The following NPAS3 variants were observed in gnomAD, a reference collection of about 807,000 sequenced individuals.
The protein encoded by NPAS3 is neuronal PAS domain protein 3.
Under a neutral mutation model 73.1 loss-of-function variants are expected in NPAS3, and 14 were observed. The observed-to-expected ratio is 0.19, with a 90% confidence interval of 0.13 to 0.30. The LOEUF is 0.30. NPAS3 is among the 10% of genes least tolerant of loss of function. The pLI is 1.00. For missense variants in NPAS3, 1,096 were observed against 1,250.0 expected, an observed-to-expected ratio of 0.88 and a Z score of 1.86; for synonymous variants, 620 against 541.5, an observed-to-expected ratio of 1.14 and a Z score of -2.01.
At chr14:32,990,764 A>G (rs1304490456) in intron 1 of NPAS3, among the ~76,000 whole-genome samples, 1 of 152,002 alleles carries the variant, frequency 6.6e-6, no homozygotes, top group Non-Finnish European at 1.5e-5. Flanking sequence ...TGTGTCTACA[A>G]AAAAATTTAA....
At position 33,381,913 on chromosome 14, in the gene NPAS3, G is replaced by A. The variant is rs556550355; in HGVS notation, c.468+14645G>A. Among the ~76,000 whole-genome samples, 16 of 152,246 alleles carry A rather than the reference G, an allele frequency of 1.1e-4. No homozygotes were observed. The South Asian group carries it at 3.1e-3, about 30-fold the overall frequency. The stretch of plus-strand genomic sequence containing the variant: ...CCTGCTGAGACTTGCCATTTCCATA[G>A]CCGGTGGGCTGTATTGAATCAGACA... On this transcript the variant is annotated intron_variant, in intron 4 of 11. Coordinates refer to ENST00000356141, the Ensembl canonical transcript of NPAS3.
chr14:33,639,984 G>A (rs1203455063), intron 5 of NPAS3, among the ~76,000 whole-genome samples: 2 of 152,116 alleles, frequency 1.3e-5, no homozygotes, highest in East Asian at 1.9e-4. Flanking sequence ...TTGGGAGGCC[G>A]AAGTGGGTGG....
At chr14:33,316,456 C>A (rs1392299391) in intron 3 of NPAS3, among the ~76,000 whole-genome samples, 1 of 151,926 alleles carries the variant, frequency 6.6e-6, no homozygotes, top group East Asian at 1.9e-4. Flanking sequence ...AGACACAGGC[C>A]CTGCAGATTT....
At chr14:33,637,153 T>C (rs904089756) in intron 5 of NPAS3, among the ~76,000 whole-genome samples, 1 of 152,194 alleles carries the variant, frequency 6.6e-6, no homozygotes, top group Non-Finnish European at 1.5e-5. Context: ...GTACTGGCGG[T>C]GAAAAATGAG....
At chr14:33,759,983 T>A (rs1165281472) in intron 7 of NPAS3, among the ~76,000 whole-genome samples, 1 of 152,196 alleles carries the variant, frequency 6.6e-6, no homozygotes, top group African/African-American at 2.4e-5. Context: ...ACACTTAAAT[T>A]TCTAAGTCCA....
chr14:33,641,194 A>G (rs1361008171), intron 5 of NPAS3, among the ~76,000 whole-genome samples: 1 of 152,192 alleles, frequency 6.6e-6, no homozygotes, highest in Non-Finnish European at 1.5e-5. Context: ...TTGTTTATCT[A>G]ACTTCTTTCC....
chr14:33,102,136 C>G (rs989475796), intron 2 of NPAS3, among the ~76,000 whole-genome samples: 3 of 152,164 alleles, frequency 2.0e-5, no homozygotes, highest in Admixed American at 1.3e-4. Flanking sequence ...GTCTTGCCCT[C>G]TCCCACAATT....
intron 4 of NPAS3, among the ~76,000 whole-genome samples, chr14:33,388,149 A>G (rs1472873287): frequency 1.3e-5 from 2 of 152,164 alleles, no homozygotes; most frequent in Admixed American, 6.5e-5. Flanking sequence ...TTGCAAGGGT[A>G]TAGGAAGTGG....
intron 6 of NPAS3, among the ~76,000 whole-genome samples, chr14:33,682,956 A>C (rs566874580): frequency 6.6e-5 from 10 of 152,090 alleles, no homozygotes; most frequent in Non-Finnish European, 1.3e-4. Flanking sequence ...CTTGACCCAC[A>C]CGTTGATGAC....
intron 5 of NPAS3, among the ~76,000 whole-genome samples, chr14:33,633,455 A>G (rs952758237): frequency 6.6e-6 from 1 of 152,190 alleles, no homozygotes; most frequent in Admixed American, 6.5e-5. Flanking sequence ...CAATTCTGTC[A>G]TTATGGGAAC....
intron 5 of NPAS3, among the ~76,000 whole-genome samples, chr14:33,581,494 A>C (rs937246715): frequency 2.0e-5 from 3 of 152,238 alleles, no homozygotes; most frequent in Non-Finnish European, 4.4e-5. Flanking sequence ...GAGATCCTTC[A>C]CAACGGATTT....
At chr14:33,124,360 T>C (rs1168528454) in intron 2 of NPAS3, among the ~76,000 whole-genome samples, 1 of 152,122 alleles carries the variant, frequency 6.6e-6, no homozygotes, top group Non-Finnish European at 1.5e-5. Context: ...AGGCAGAGAC[T>C]CGGAAGCCGG....
At chr14:32,971,483 G>C (rs1435168743) in intron 1 of NPAS3, among the ~76,000 whole-genome samples, 1 of 152,088 alleles carries the variant, frequency 6.6e-6, no homozygotes, top group Non-Finnish European at 1.5e-5. Context: ...TTGAAAAGCA[G>C]GACTGTAAAT....
intron 4 of NPAS3, among the ~76,000 whole-genome samples, chr14:33,557,745 A>G (rs1007936728): frequency 3.9e-5 from 6 of 152,162 alleles, no homozygotes; most frequent in South Asian, 2.1e-4. Context: ...CGAGGCGGGC[A>G]GATCACGAGG....
intron 1 of NPAS3, among the ~76,000 whole-genome samples, chr14:32,972,654 T>G (rs773434110): frequency 2.6e-5 from 4 of 152,210 alleles, no homozygotes; most frequent in Non-Finnish European, 5.9e-5. Flanking sequence ...TATTAAAATC[T>G]TTGCTTTGTC....
intron 2 of NPAS3, among the ~76,000 whole-genome samples, chr14:33,095,426 C>G (rs2042373324): frequency 6.6e-6 from 1 of 152,148 alleles, no homozygotes; most frequent in Admixed American, 6.5e-5. Context: ...GTGTCTTATT[C>G]AGTGCTAATC....
intron 6 of NPAS3, among the ~76,000 whole-genome samples, chr14:33,704,120 A>C (rs6571609): frequency 0.27 from 41,388 of 152,128 alleles, 5,905 homozygotes; most frequent in Admixed American, 0.41. Context: ...AAAGTAAAAC[A>C]CTATATTATT....
At chr14:33,597,678 T>C (rs1427631530) in intron 5 of NPAS3, among the ~76,000 whole-genome samples, 1 of 152,218 alleles carries the variant, frequency 6.6e-6, no homozygotes, top group Admixed American at 6.5e-5. Flanking sequence ...GTGGGAAGGC[T>C]GTGTCTAGGC....
intron 5 of NPAS3, among the ~76,000 whole-genome samples, chr14:33,563,537 C>CACACACAGAG: frequency 6.7e-5 from 8 of 119,652 alleles, no homozygotes; most frequent in African/African-American, 3.0e-4. Context: ...CACACACACA[C>CACACACAGAG]AGAGAGAGAG....
Sources: gnomAD v4.1 joint callset for allele counts (sites outside exome capture counted in the v4.1 genomes callset) on GRCh38, gnomAD v4.1.1 for gene constraint, MANE v1.5 for transcripts, NCBI Gene and HGNC (gene_info 2026-07-23, HGNC 2026-07-21) for gene names.